Variants in CDK14 observed in about 807,000 individuals in gnomAD.
The protein encoded by CDK14 is cyclin dependent kinase 14.
CDK14 carries 34 observed loss-of-function variants against 60.7 expected under a neutral mutation model. The observed-to-expected ratio is 0.56, with a 90% CI of 0.43 to 0.75. The LOEUF (loss-of-function observed/expected upper bound fraction) is 0.75, where lower values mean the gene tolerates loss of function less well. Among genes scored for constraint, CDK14 ranks in the 30% least tolerant of loss-of-function variants. The pLI is 0.00. For missense variants in CDK14, 482 were observed against 564.1 expected (o/e 0.85, Z 1.47); for synonymous variants, 197 against 203.7 (o/e 0.97, Z 0.28).
At chr7:90,876,269 C>A (rs1791557298) in intron 6 of CDK14, among the ~76,000 whole-genome samples, 1 of 152,194 alleles carries the variant, frequency 6.6e-6, no homozygotes, top group Non-Finnish European at 1.5e-5. Context: ...GGCTGCCAAT[C>A]TTCTGGAAAC....
intron 14 of CDK14, among the ~76,000 whole-genome samples, chr7:91,153,404 C>T (rs1800879801): frequency 6.6e-6 from 1 of 152,188 alleles, no homozygotes; most frequent in Non-Finnish European, 1.5e-5. Context: ...GAATATAAAT[C>T]ATTCTCTTAC....
intron 11 of CDK14, among the ~76,000 whole-genome samples, chr7:91,076,242 C>CAAAAAAAAAAAAAAAAAAA (rs564729987): frequency 1.7e-4 from 5 of 28,800 alleles, no homozygotes; most frequent in Non-Finnish European, 3.5e-4. Context: ...CTACAGTAAC[C>CAAAAAAAAAAAAAAAAAAA]AAAAAAAAAA....
At chr7:91,115,306 C>T (rs1286560770) in intron 13 of CDK14, among the ~76,000 whole-genome samples, 2 of 152,100 alleles carry the variant, frequency 1.3e-5, no homozygotes, top group Admixed American at 1.3e-4. Context: ...CCAGCAGATT[C>T]GGTTCCTGGT....
chr7:90,625,559 TGTA>T (rs921342651), intron 2 of CDK14, among the ~76,000 whole-genome samples: 11 of 152,358 alleles, frequency 7.2e-5, no homozygotes, highest in African/African-American at 1.4e-4. Flanking sequence ...ATTTTTTAAA[TGTA>T]GTATTTTAAA....
At chr7:90,961,314 G>A (rs1437182580) in intron 9 of CDK14, among the ~76,000 whole-genome samples, 1 of 151,944 alleles carries the variant, frequency 6.6e-6, no homozygotes, top group Non-Finnish European at 1.5e-5. Context: ...TCCTGACATT[G>A]TTTTAAGACA....
rs997076422 is a variant in CDK14 at position 90,901,173 on chromosome 7, T to C, written c.702+1820T>C. On this transcript the variant is annotated intron_variant, in intron 7 of 14. Transcript: ENST00000380050. ...TGGTCATTCATCATACTTCAAATAC[T>C]TACTGTTTGCTCCTCATTCCGAGTC... Among the ~76,000 whole-genome samples the C allele has an allele frequency of 5.3e-5, 8 of 152,176 alleles. No homozygotes were observed. The South Asian group carries it at 1.4e-3, about 28-fold the overall frequency.
chr7:91,102,233 G>A (rs1378253803), intron 12 of CDK14, among the ~76,000 whole-genome samples: 1 of 152,102 alleles, frequency 6.6e-6, no homozygotes, highest in Non-Finnish European at 1.5e-5. Flanking sequence ...TAGACCCTCT[G>A]CATCACTCAC....
rs141443637 is a variant in CDK14, at chr7:90,729,637, C to A, written c.369+2825C>A. Among the ~76,000 whole-genome samples the A allele has an allele frequency of 2.9e-4, 44 of 151,260 alleles. 1 individual carries two copies. The East Asian group carries it at 8.4e-3, about 29-fold the overall frequency. ...CTTGGGCTTACCCTTTCCTGGTTCA[C>A]CCTGGGATGACTTTTTTTAATATAT... On this transcript the variant is annotated intron_variant, in intron 3 of 14. Transcript: ENST00000380050.
chr7:91,128,582 C>G (rs1800020115), intron 14 of CDK14, among the ~76,000 whole-genome samples: 1 of 152,038 alleles, frequency 6.6e-6, no homozygotes, highest in Non-Finnish European at 1.5e-5. Flanking sequence ...AAACAAACCA[C>G]TTTGAGGGAA....
chr7:90,871,499 G>A (rs1439945694), intron 6 of CDK14, among the ~76,000 whole-genome samples: 1 of 152,132 alleles, frequency 6.6e-6, no homozygotes, highest in Non-Finnish European at 1.5e-5. Context: ...ATGGGGTAAG[G>A]AAGTCAAGTG....
Position 90,747,784 on chromosome 7 carries a change from AT to A in CDK14, c.464+11del. The A allele has an allele frequency of 6.7e-7, 1 of 1,494,438 alleles. No individual in the cohort carries two copies. Among genetic ancestry groups the A allele is most frequent in the Non-Finnish European group, 9.0e-7 (1 of 1,108,638 alleles). 92.6% of individuals were successfully genotyped at this position (1,494,438 alleles called of 1,614,324 possible). On this transcript the variant is annotated intron_variant, in intron 4 of 14. Transcript: ENST00000380050. ...TACAAAGGGAAAAGCAAGTAAGTTCATTATTTTTGGAATATTTCACATGTAC... is the reference window on the plus strand; with the variant it reads ...TACAAAGGGAAAAGCAAGTAAGTTCATATTTTTGGAATATTTCACATGTAC...
At chr7:90,779,201 C>T (rs1008673066) in intron 4 of CDK14, among the ~76,000 whole-genome samples, 7 of 151,942 alleles carry the variant, frequency 4.6e-5, no homozygotes, top group South Asian at 2.1e-4. Context: ...TGCAGTGAGC[C>T]GAGATTGCGC....
At chr7:91,135,171 A>G (rs1204470483) in intron 14 of CDK14, among the ~76,000 whole-genome samples, 1 of 151,786 alleles carries the variant, frequency 6.6e-6, no homozygotes, top group Admixed American at 6.6e-5. Context: ...TCTTTACTTG[A>G]TATGTTACCA....
intron 5 of CDK14, among the ~76,000 whole-genome samples, chr7:90,815,922 TG>T (rs1217874210): frequency 5.4e-5 from 6 of 110,304 alleles, no homozygotes; most frequent in South Asian, 2.9e-4. Context: ...TTTCCGGGGA[TG>T]GGGGGTAAGG....
At position 90,668,151 on chromosome 7, in the gene CDK14, G is replaced by T. The variant is rs187940436; in HGVS notation, c.124-58416G>T. ...TATATTTCTACCAGCAACTTACAAG[G>T]TTTCCAATTTCTCCATATCCTTACC... is the stretch of plus-strand genomic sequence containing the variant. On this transcript the variant is annotated intron_variant, in intron 2 of 14. Coordinates refer to ENST00000380050, the MANE Select transcript of CDK14 (RefSeq NM_001287135.2). Among the ~76,000 whole-genome samples the T allele has an allele frequency of 2.3e-3, 345 of 152,182 alleles. 1 individual carries two copies. The highest frequency in any genetic ancestry group is 7.6e-3 in the African/African-American group (317 of 41,498).
At chr7:90,641,352 T>G (rs1257861430) in intron 2 of CDK14, among the ~76,000 whole-genome samples, 2 of 152,154 alleles carry the variant, frequency 1.3e-5, no homozygotes, top group Non-Finnish European at 2.9e-5. Flanking sequence ...TTGTTCATAA[T>G]AGCCAAAATG....
intron 3 of CDK14, among the ~76,000 whole-genome samples, chr7:90,747,347 G>A (rs1803635568): frequency 6.6e-6 from 1 of 152,090 alleles, no homozygotes; most frequent in Non-Finnish European, 1.5e-5. Context: ...AAAGGGAGGG[G>A]CAGGTTTAAA....
At chr7:90,973,582 G>A (rs763192199) in intron 9 of CDK14, among the ~76,000 whole-genome samples, 17 of 152,106 alleles carry the variant, frequency 1.1e-4, no homozygotes, top group Non-Finnish European at 2.4e-4. Context: ...TTTCAACGTA[G>A]GTTCTTTCTA....
intron 11 of CDK14, among the ~76,000 whole-genome samples, chr7:91,076,980 A>G (rs1053011902): frequency 2.0e-5 from 3 of 152,240 alleles, no homozygotes; most frequent in Non-Finnish European, 4.4e-5. Flanking sequence ...GGCAATTATT[A>G]AAAAGTCAAG....
Sources: allele counts gnomAD v4.1 joint callset (sites outside exome capture counted in the v4.1 genomes callset), GRCh38; gene constraint gnomAD v4.1.1; transcripts MANE v1.5; gene names NCBI Gene and HGNC (gene_info 2026-07-23, HGNC 2026-07-21).